Variants in LDLRAD3 observed in about 807,000 individuals in gnomAD.
LDLRAD3 encodes low-density lipoprotein receptor class A domain-containing protein 3.
In LDLRAD3, 20 loss-of-function variants were observed where a neutral mutation model predicts 29.4. The ratio of observed to expected loss-of-function variants is 0.68; its 90% CI spans 0.48 to 0.99. LDLRAD3 has a LOEUF of 0.99. LDLRAD3 is among the 50% of genes least tolerant of loss of function. The probability of loss-of-function intolerance (pLI) is 0.00; values close to 1 mark genes in which losing one functional copy is unlikely to be tolerated. For synonymous variants in LDLRAD3, 157 were observed against 192.7 expected (o/e 0.81, Z 1.53); for missense variants, 420 against 454.3 (o/e 0.92, Z 0.69).
chr11:35,945,055 G>A (rs1851039476), intron 1 of LDLRAD3, among the ~76,000 whole-genome samples: 2 of 152,212 alleles, frequency 1.3e-5, no homozygotes, highest in South Asian at 2.1e-4. Flanking sequence ...GACTGGGCCC[G>A]CCCTTGGCCC....
intron 1 of LDLRAD3, among the ~76,000 whole-genome samples, chr11:36,005,215 T>C (rs1218303742): frequency 1.3e-5 from 2 of 152,234 alleles, no homozygotes; most frequent in Non-Finnish European, 2.9e-5. Flanking sequence ...CTTTTAAATA[T>C]AAGTTCCAAT....
intron 4 of LDLRAD3, among the ~76,000 whole-genome samples, chr11:36,221,199 T>C (rs1341396623): frequency 6.6e-6 from 1 of 151,982 alleles, no homozygotes; most frequent in African/African-American, 2.4e-5. Flanking sequence ...TATATAAAAT[T>C]AGCCAGGCAT....
At chr11:36,003,006 G>A (rs114941025) in intron 1 of LDLRAD3, among the ~76,000 whole-genome samples, 29 of 152,322 alleles carry the variant, frequency 1.9e-4, no homozygotes, top group Non-Finnish European at 3.4e-4. Context: ...AGGGAAAACC[G>A]TACACATTTC....
chr11:36,006,455 T>C (rs262409), intron 1 of LDLRAD3, among the ~76,000 whole-genome samples: 150,946 of 152,298 alleles, frequency 0.99, 74,815 homozygotes, highest in Middle Eastern at 1. Flanking sequence ...GTGCCAGGCA[T>C]ATACGAAGTA....
Position 36,213,588 on chromosome 11 carries a change from T to G in LDLRAD3, c.455-13497T>G, listed in dbSNP as rs576978368. 6.6e-6 allele frequency among the ~76,000 whole-genome samples: 1 copy of G among 152,280 alleles called. No individual in the cohort carries two copies. The highest frequency in any genetic ancestry group is 1.9e-4 in the East Asian group (1 of 5,152). On this transcript the variant is annotated intron_variant, in intron 4 of 5. Transcript: ENST00000315571. This position sits in a 1 kb window ranked among gnomAD's most constrained non-coding sequence, Gnocchi z 4.1. The stretch of plus-strand genomic sequence containing the variant: ...GCTTCCAGGCTTGAGAAAGTGTGGC[T>G]GCCACTGTGGCAGAGGCCATGGTAG...
chr11:36,229,113 C>T (rs1268681868), intron 5 of LDLRAD3, 47 bp from the exon 6 acceptor site: 2 of 1,336,658 alleles, frequency 1.5e-6, no homozygotes, highest in East Asian at 2.3e-5. Flanking sequence ...GTGTTCTCTT[C>T]TCTTCCTGTC....
chr11:36,117,924 G>A (rs546697208), intron 4 of LDLRAD3, among the ~76,000 whole-genome samples: 8 of 152,212 alleles, frequency 5.3e-5, no homozygotes, highest in Non-Finnish European at 8.8e-5. Context: ...AAAGGAGAAG[G>A]CACCAAGGCC....
intron 4 of LDLRAD3, among the ~76,000 whole-genome samples, chr11:36,168,045 T>G (rs1361184356): frequency 6.6e-6 from 1 of 152,184 alleles, no homozygotes; most frequent in Non-Finnish European, 1.5e-5. Flanking sequence ...CTCATCGATA[T>G]TCTCCTCTAC....
At chr11:35,988,029 T>TTTTTAAA (rs1851636605) in intron 1 of LDLRAD3, among the ~76,000 whole-genome samples, 5 of 152,276 alleles carry the variant, frequency 3.3e-5, no homozygotes, top group Admixed American at 2.0e-4. Context: ...TTTAAAAATA[T>TTTTTAAA]GTTTCTTGGC....
intron 1 of LDLRAD3, among the ~76,000 whole-genome samples, chr11:35,950,893 C>T (rs1191855934): frequency 2.0e-5 from 3 of 152,114 alleles, no homozygotes; most frequent in Admixed American, 6.5e-5. Flanking sequence ...ACCATCCTGG[C>T]TAACATGGTG....
chr11:36,111,151 T>C (rs886441115), intron 4 of LDLRAD3, among the ~76,000 whole-genome samples: 3 of 152,102 alleles, frequency 2.0e-5, no homozygotes, highest in African/African-American at 7.2e-5. Context: ...AAATGAGATG[T>C]TCAACCCTGG....
chr11:36,193,990 A>C (rs1854994348), intron 4 of LDLRAD3, among the ~76,000 whole-genome samples: 1 of 152,184 alleles, frequency 6.6e-6, no homozygotes, highest in Non-Finnish European at 1.5e-5. Context: ...ACAAATGGGG[A>C]CATTGAGAGG....
intron 4 of LDLRAD3, among the ~76,000 whole-genome samples, chr11:36,226,375 G>A (rs1043479423): frequency 6.6e-6 from 1 of 152,168 alleles, no homozygotes; most frequent in Admixed American, 6.5e-5. Context: ...AGCCTGGCTT[G>A]AAATAAATGA....
chr11:35,968,368 G>T, intron 1 of LDLRAD3: 1 of 365,350 alleles, frequency 2.7e-6, no homozygotes, highest in Non-Finnish European at 5.3e-6. Context: ...GCGGGCTTTT[G>T]GGAGTAGAGG....
intron 4 of LDLRAD3, among the ~76,000 whole-genome samples, chr11:36,217,133 A>G (rs527977973): frequency 6.6e-6 from 1 of 152,368 alleles, no homozygotes; most frequent in South Asian, 2.1e-4. Context: ...TTCAGTGCTC[A>G]CTGCTCAGCA....
intron 1 of LDLRAD3, among the ~76,000 whole-genome samples, chr11:35,973,242 A>T (rs946202216): frequency 3.9e-5 from 6 of 152,004 alleles, no homozygotes; most frequent in African/African-American, 1.4e-4. Flanking sequence ...CAGAATGGAA[A>T]GATTCCTTAT....
rs573403458 is a variant in LDLRAD3 at position 35,950,849 on chromosome 11, C to T, written c.46+6705C>T. 9.9e-5 allele frequency among the ~76,000 whole-genome samples: 15 copies of T among 152,126 alleles called. No homozygotes were observed. The South Asian group carries it at 1.5e-3, about 15-fold the overall frequency. On this transcript the variant is annotated intron_variant, in intron 1 of 5. Transcript: ENST00000315571. ...CTGTAATCCCAGCACTTTGGGGGGCCGAGGTGGGCGGATCACGAAGTCAGA... is the reference window on the plus strand; with the variant it reads ...CTGTAATCCCAGCACTTTGGGGGGCTGAGGTGGGCGGATCACGAAGTCAGA...
In LDLRAD3 at chr11:36,079,859, G is replaced by A. The variant is rs368636137; in HGVS notation, c.194-1794G>A. 7.9e-5 allele frequency among the ~76,000 whole-genome samples: 12 copies of A among 152,330 alleles called. 1 individual carries two copies. In the East Asian group the frequency reaches 2.3e-3, roughly 29 times the overall value. On this transcript the variant is annotated intron_variant, in intron 2 of 5. Coordinates refer to ENST00000315571, the MANE Select transcript of LDLRAD3 (RefSeq NM_174902.4). ...CTTGTTGTTGCTTACTTATCAGGAT[G>A]CCACAGTAAGGAAACTGAAGTCCAC...
chr11:36,097,392 C>T (rs766920428), intron 3 of LDLRAD3, among the ~76,000 whole-genome samples: 7 of 152,232 alleles, frequency 4.6e-5, no homozygotes, highest in Non-Finnish European at 1.0e-4. Context: ...ATCCCTGCCT[C>T]AGCTACTCCT....
Sources: allele counts gnomAD v4.1 joint callset (sites outside exome capture counted in the v4.1 genomes callset), GRCh38; gene constraint gnomAD v4.1.1; non-coding constraint Gnocchi (gnomAD v3.1); transcripts MANE v1.5; gene names NCBI Gene and HGNC (gene_info 2026-07-23, HGNC 2026-07-21).